The following SLC30A10 variants were observed in gnomAD, a reference collection of about 807,000 sequenced individuals.
The protein encoded by SLC30A10 is solute carrier family 30 member 10.
A neutral mutation model predicts 21.7 loss-of-function variants in SLC30A10; 8 were observed. The observed-to-expected ratio is 0.37, with a 90% CI of 0.22 to 0.67. The LOEUF is 0.67. SLC30A10 is among the 30% of genes least tolerant of loss of function. The probability of loss-of-function intolerance (pLI) is 0.58; values close to 1 mark genes in which losing one functional copy is unlikely to be tolerated. For missense variants in SLC30A10, 521 were observed against 642.5 expected, an observed-to-expected ratio of 0.81 and a Z score of 2.04; for synonymous variants, 272 against 279.4, an observed-to-expected ratio of 0.97 and a Z score of 0.26.
chr1:219,911,839 G>T lies in SLC30A10; in HGVS notation c.*3610C>A, dbSNP rs1202202964. On this transcript the variant is annotated 3_prime_UTR_variant, in exon 4 of 4. Transcript: ENST00000366926. ...AACTTGGGGCAATTTTTTTTCCCAGGTTATATGTGGCAATGTCTGGAGACA... is the reference window on the plus strand; with the variant it reads ...AACTTGGGGCAATTTTTTTTCCCAGTTTATATGTGGCAATGTCTGGAGACA... Among the ~76,000 whole-genome samples, 2 of 151,844 alleles carry T rather than the reference G, an allele frequency of 1.3e-5. No homozygotes were observed. Among genetic ancestry groups the T allele is most frequent in the African/African-American group, 4.8e-5 (2 of 41,332 alleles).
In SLC30A10 at chr1:219,915,620, A is replaced by G. The variant is rs767265495; in HGVS notation, c.1287T>C (p.Ala429=). The change falls in exon 4 of 4, where the codon GCT becomes GCC. Residue 429 remains alanine, a synonymous_variant. Coordinates refer to ENST00000366926, the MANE Select transcript of SLC30A10 (RefSeq NM_018713.3). ...CTAGAGAGGGCCCACCATTGTGCTC[A>G]GCACAGCCATTGACGTGAGCCAGAG... ...ALPLAHVNGC[A]EHNGGPSLDT... is the part of the protein sequence containing the mutation. 3 of 1,614,252 alleles carry G rather than the reference A, an allele frequency of 1.9e-6. No homozygotes were observed. The highest frequency in any genetic ancestry group is 3.3e-4 in the Middle Eastern group (2 of 6,062).
At chr1:219,949,002 G>GA (rs1419764654) in intron 1 of SLC30A10, among the ~76,000 whole-genome samples, 1 of 151,678 alleles carries the variant, frequency 6.6e-6, no homozygotes, top group South Asian at 2.1e-4. Flanking sequence ...AAAAACACAT[G>GA]AAAAAATGCT....
upstream of SLC30A10, among the ~76,000 whole-genome samples, chr1:219,933,444 T>A (rs549129889): frequency 6.6e-6 from 1 of 152,170 alleles, no homozygotes; most frequent in South Asian, 2.1e-4. Context: ...AGCTTTGGAG[T>A]CGGACCGATT....
In SLC30A10 at chr1:219,918,565, G is replaced by A. The variant is rs1488929033; in HGVS notation, c.719-71C>T. ...CCACGTGACACTCACTGACTTGGGT[G>A]TCCGGGTATATGAATATCTGTTACC... On this transcript the variant is annotated intron_variant, in intron 2 of 3. Transcript: ENST00000366926. This position sits in a 1 kb window ranked among gnomAD's most constrained non-coding sequence, Gnocchi z 4.4. The A allele has an allele frequency of 3.3e-6, 5 of 1,509,952 alleles. No individual in the cohort carries two copies. The highest frequency in any genetic ancestry group is 2.7e-5 in the South Asian group (2 of 74,782). The allele number at this position is 1,509,952 out of a possible 1,614,324, so 93.5% of individuals were successfully genotyped here.
At chr1:219,933,711 C>A (rs1660002306) in intron 1 of SLC30A10, among the ~76,000 whole-genome samples, 2 of 152,204 alleles carry the variant, frequency 1.3e-5, no homozygotes, top group Admixed American at 6.5e-5. Flanking sequence ...TTTAGAGAGA[C>A]AGCAGAATAT....
intron 1 of SLC30A10, among the ~76,000 whole-genome samples, chr1:219,940,980 A>G (rs1660113426): frequency 6.6e-6 from 1 of 152,222 alleles, no homozygotes; most frequent in Non-Finnish European, 1.5e-5. Context: ...AATAATAAAT[A>G]TCTGACCCAG....
At position 219,910,884 on chromosome 1, in the gene SLC30A10, T is replaced by G. The variant is rs954685788; in HGVS notation, c.*4565A>C. On this transcript the variant is annotated 3_prime_UTR_variant, in exon 4 of 4. Coordinates refer to ENST00000366926, the MANE Select transcript of SLC30A10 (RefSeq NM_018713.3). ...GAGAAGCACCAGAAAATGACTCGTCTGCATTATCTAAACTCCAGATGGGTA... is the reference window on the plus strand; with the variant it reads ...GAGAAGCACCAGAAAATGACTCGTCGGCATTATCTAAACTCCAGATGGGTA... Among the ~76,000 whole-genome samples, 2 of 152,238 alleles carry G rather than the reference T, an allele frequency of 1.3e-5. No individual in the cohort carries two copies. The highest frequency in any genetic ancestry group is 2.9e-5 in the Non-Finnish European group (2 of 68,034).
rs895902725 is a variant in SLC30A10 at position 219,914,751 on chromosome 1, T to C, written c.*698A>G. On this transcript the variant is annotated 3_prime_UTR_variant, in exon 4 of 4. Coordinates refer to ENST00000366926, the MANE Select transcript of SLC30A10 (RefSeq NM_018713.3). ...CACTTCCATGGAAAAAAATGTATTA[T>C]ATATTTAAGCATTTGAAACATTCTA... 1 of 152,226 alleles carries C rather than the reference T, an allele frequency of 6.6e-6. No individual in the cohort carries two copies. Among genetic ancestry groups the C allele is most frequent in the Admixed American group, 6.5e-5 (1 of 15,276 alleles). 9.4% of individuals were successfully genotyped at this position (152,226 alleles called of 1,614,324 possible). A position where few individuals can be genotyped will look rare whatever the true frequency, so the allele number is the denominator to read the frequency against.
At position 219,915,619 on chromosome 1, in the gene SLC30A10, C is replaced by G. The variant is rs141152174; in HGVS notation, c.1288G>C (p.Glu430Gln). 6.2e-7 allele frequency: 1 copy of G among 1,614,120 alleles called. No homozygotes were observed. Among genetic ancestry groups the G allele is most frequent in the African/African-American group, 1.3e-5 (1 of 74,944 alleles). The change falls in exon 4 of 4, where the codon GAG (glutamate) becomes CAG (glutamine). Residue 430 changes from glutamate to glutamine, a missense_variant. Glu to Gln is a conservative substitution (Grantham distance 29). Transcript: ENST00000366926. ...TCTAGAGAGGGCCCACCATTGTGCTCAGCACAGCCATTGACGTGAGCCAGA... is the reference window on the plus strand; with the variant it reads ...TCTAGAGAGGGCCCACCATTGTGCTGAGCACAGCCATTGACGTGAGCCAGA... ...LPLAHVNGCAEHNGGPSLDTY... is the reference protein window; with the variant it reads ...LPLAHVNGCAQHNGGPSLDTY...
intron 1 of SLC30A10, among the ~76,000 whole-genome samples, chr1:219,953,515 T>C (rs1660299919): frequency 6.6e-6 from 1 of 151,416 alleles, no homozygotes; most frequent in South Asian, 2.1e-4. Flanking sequence ...AGCAGGAGAA[T>C]TGCTTGGACC....
chr1:219,956,627 A>C (rs1208982019), intron 1 of SLC30A10, among the ~76,000 whole-genome samples: 1 of 151,624 alleles, frequency 6.6e-6, no homozygotes, highest in Non-Finnish European at 1.5e-5. Context: ...AGCCTGGCCA[A>C]CATGGCGAAA....
At chr1:219,923,778 T>C (rs1055969849) in intron 2 of SLC30A10, among the ~76,000 whole-genome samples, 2 of 152,182 alleles carry the variant, frequency 1.3e-5, no homozygotes, top group Non-Finnish European at 1.5e-5. Flanking sequence ...CTCATTTGTT[T>C]GCCAGGCACG....
intron 3 of SLC30A10, among the ~76,000 whole-genome samples, chr1:219,917,759 G>GGAGTGC (rs1659580321): frequency 7.4e-6 from 1 of 134,784 alleles, no homozygotes; most frequent in African/African-American, 2.9e-5. Context: ...CACCCAGCCT[G>GGAGTGC]GAGTGCAGTG....
rs959374057 is a variant in SLC30A10 at position 219,913,016 on chromosome 1, A to C, written c.*2433T>G. 7.1e-4 allele frequency among the ~76,000 whole-genome samples: 108 copies of C among 152,336 alleles called. No individual in the cohort carries two copies. Among genetic ancestry groups the C allele is most frequent in the Non-Finnish European group, 1.3e-3 (89 of 68,042 alleles). Reference sequence around the variant, plus strand: ...TATTTATCAGCTGCTACTGCCACCAAGCAGGGCTGATTTAAAGGGAAAAAG... The same window carrying C: ...TATTTATCAGCTGCTACTGCCACCACGCAGGGCTGATTTAAAGGGAAAAAG... On this transcript the variant is annotated 3_prime_UTR_variant, in exon 4 of 4. Transcript: ENST00000366926.
chr1:219,939,912 T>G (rs939684164), intron 1 of SLC30A10, among the ~76,000 whole-genome samples: 1 of 152,112 alleles, frequency 6.6e-6, no homozygotes, highest in Non-Finnish European at 1.5e-5. Flanking sequence ...GTGAGAGTCT[T>G]TTGCATGTGG....
intron 1 of SLC30A10, among the ~76,000 whole-genome samples, chr1:219,957,339 T>C (rs968048804): frequency 6.6e-6 from 1 of 152,166 alleles, no homozygotes; most frequent in Non-Finnish European, 1.5e-5. Context: ...TAATTTATCA[T>C]AGTAGCAAAG....
chr1:219,927,999 G>A lies in SLC30A10; in HGVS notation c.442C>T (p.Arg148Cys). Residue 148 changes from arginine (R) to cysteine (C), a missense_variant, in exon 1 of 4, where the codon CGC (arginine) becomes TGC (cysteine). Coordinates refer to ENST00000366926, the MANE Select transcript of SLC30A10 (RefSeq NM_018713.3). ...AAWFACCLRG[R>C]SRRLQQRQQL... ...TGCCGCTGCTGCAGGCGGCGACTGC[G>A]TCCCCGGAGGCAGCACGCGAACCAG... The A allele has an allele frequency of 6.4e-7, 1 of 1,558,072 alleles. No individual in the cohort carries two copies. Among genetic ancestry groups the A allele is most frequent in the Non-Finnish European group, 8.7e-7 (1 of 1,152,470 alleles).
chr1:219,930,198 G>A (rs1029472592), upstream of SLC30A10, among the ~76,000 whole-genome samples: 25 of 152,008 alleles, frequency 1.6e-4, no homozygotes, highest in African/African-American at 5.6e-4. Context: ...CAGGTCAGGC[G>A]TGGTGGCTTA....
chr1:219,932,958 G>A (rs1374654124), upstream of SLC30A10, among the ~76,000 whole-genome samples: 1 of 151,514 alleles, frequency 6.6e-6, no homozygotes, highest in Non-Finnish European at 1.5e-5. Flanking sequence ...CTACTCGGGA[G>A]GCTGAGGCAG....
Sources: allele counts gnomAD v4.1 joint callset (sites outside exome capture counted in the v4.1 genomes callset), GRCh38; gene constraint gnomAD v4.1.1; non-coding constraint Gnocchi (gnomAD v3.1); transcripts MANE v1.5; gene names NCBI Gene and HGNC (gene_info 2026-07-23, HGNC 2026-07-21).